SLCO5A1: variants seen among roughly 807,000 people sequenced by gnomAD.
SLCO5A1 encodes organic anion transporter polypeptide-related protein 4.
In SLCO5A1, 39 loss-of-function variants were observed where a neutral mutation model predicts 65.1. The observed-to-expected ratio is 0.60, with a 90% CI of 0.46 to 0.78. SLCO5A1 has a LOEUF of 0.78. Ranked by LOEUF, SLCO5A1 falls within the 30% of genes least tolerant of loss-of-function variation. The pLI is 0.00. For synonymous variants in SLCO5A1, 438 were observed against 415.7 expected (o/e 1.05, Z -0.65); for missense variants, 1,029 against 1,069.4 (o/e 0.96, Z 0.53).
chr8:69,703,993 G>T (rs1241573290), intron 6 of SLCO5A1, among the ~76,000 whole-genome samples: 1 of 152,158 alleles, frequency 6.6e-6, no homozygotes, highest in African/African-American at 2.4e-5. Flanking sequence ...TCGACAAGTT[G>T]GTGACATGAA....
Position 69,673,334 on chromosome 8 carries a change from G to A in SLCO5A1, c.2090-8C>T, listed in dbSNP as rs2130781889. 1.2e-6 allele frequency: 2 copies of A among 1,601,218 alleles called. No individual in the cohort carries two copies. Among genetic ancestry groups the A allele is most frequent in the Non-Finnish European group, 8.5e-7 (1 of 1,170,980 alleles). ...TTGGAGTAGGAATGTATGCTAGAGG[G>A]GTGGAGAAGAAGAAAATACGAAGAC... On this transcript the variant is annotated splice_polypyrimidine_tract_variant and splice_region_variant and intron_variant, in intron 9 of 9. Transcript: ENST00000260126.
At chr8:69,711,526 G>A (rs1815259179) in intron 5 of SLCO5A1, among the ~76,000 whole-genome samples, 1 of 152,210 alleles carries the variant, frequency 6.6e-6, no homozygotes, top group African/African-American at 2.4e-5. Context: ...GCAGAGCGTG[G>A]GAAGATGCAC....
At chr8:69,677,526 T>C (rs1813598694) in intron 8 of SLCO5A1, among the ~76,000 whole-genome samples, 1 of 152,204 alleles carries the variant, frequency 6.6e-6, no homozygotes, top group Non-Finnish European at 1.5e-5. Flanking sequence ...GAGAGTATGG[T>C]ATATAATAGG....
intron 2 of SLCO5A1, among the ~76,000 whole-genome samples, chr8:69,802,283 G>A (rs757506430): frequency 1.2e-4 from 18 of 151,888 alleles, no homozygotes; most frequent in African/African-American, 3.6e-4. Context: ...TGGGAGGATC[G>A]CTTGAGTCCA....
chr8:69,676,008 C>T (rs1012172526), intron 9 of SLCO5A1, among the ~76,000 whole-genome samples: 2 of 152,204 alleles, frequency 1.3e-5, no homozygotes, highest in African/African-American at 2.4e-5. Flanking sequence ...AAAATAAGAC[C>T]TATGTTCCAC....
At chr8:69,790,407 A>C (rs1819217565) in intron 2 of SLCO5A1, among the ~76,000 whole-genome samples, 1 of 152,130 alleles carries the variant, frequency 6.6e-6, no homozygotes, top group Non-Finnish European at 1.5e-5. Flanking sequence ...ATACTTAAAA[A>C]GTGGGAGAAA....
chr8:69,815,134 G>T (rs1820350520), intron 2 of SLCO5A1, among the ~76,000 whole-genome samples: 1 of 152,108 alleles, frequency 6.6e-6, no homozygotes, highest in Non-Finnish European at 1.5e-5. Context: ...TTTCACAATT[G>T]TTAAAAGTAA....
intron 2 of SLCO5A1, among the ~76,000 whole-genome samples, chr8:69,778,787 T>C (rs920800379): frequency 3.9e-5 from 6 of 152,174 alleles, no homozygotes; most frequent in African/African-American, 4.8e-5. Context: ...CTTATGTCTA[T>C]AGCATTTCTT....
At chr8:69,701,569 C>T (rs941652685) in intron 6 of SLCO5A1, among the ~76,000 whole-genome samples, 1 of 152,202 alleles carries the variant, frequency 6.6e-6, no homozygotes, top group African/African-American at 2.4e-5. Context: ...ACATTCCTTC[C>T]TATGGATCCC....
At chr8:69,802,309 T>C (rs1819776437) in intron 2 of SLCO5A1, among the ~76,000 whole-genome samples, 1 of 151,032 alleles carries the variant, frequency 6.6e-6, no homozygotes. Context: ...TCAAGACCAG[T>C]CTGGGCAACA....
At chr8:69,772,394 A>G (rs564154898) in intron 2 of SLCO5A1, among the ~76,000 whole-genome samples, 9 of 151,898 alleles carry the variant, frequency 5.9e-5, no homozygotes, top group African/African-American at 2.2e-4. Context: ...GTGGTGGCAC[A>G]TGCCTGTAGT....
chr8:69,737,538 A>T (rs983158915), intron 5 of SLCO5A1, among the ~76,000 whole-genome samples: 1 of 152,204 alleles, frequency 6.6e-6, no homozygotes, highest in Non-Finnish European at 1.5e-5. Context: ...GTCTCCTAAA[A>T]ATCAGTTTCC....
rs944169950 is a variant in SLCO5A1 at position 69,731,090 on chromosome 8, C to T, written c.1423+6950G>A. On this transcript the variant is annotated intron_variant, in intron 5 of 9. Coordinates refer to ENST00000260126, the MANE Select transcript of SLCO5A1 (RefSeq NM_030958.3). Reference sequence around the variant, plus strand: ...TCGGCTCACTACAACCTCTGCCTCCCAGGTTCAAGTGATTCTCATGCCTCT... The same window carrying T: ...TCGGCTCACTACAACCTCTGCCTCCTAGGTTCAAGTGATTCTCATGCCTCT... 2.0e-5 allele frequency among the ~76,000 whole-genome samples: 3 copies of T among 152,066 alleles called. No individual in the cohort carries two copies. The South Asian group carries it at 6.2e-4, about 32-fold the overall frequency.
In SLCO5A1 at chr8:69,804,504, C is replaced by A. The variant is rs538268157; in HGVS notation, c.907+27263G>T. Reference sequence around the variant, plus strand: ...CTAATTTTTATATTTTTAGTAGAGGCGGGGTTTCACCATGTTGCCCAGGCT... The same window carrying A: ...CTAATTTTTATATTTTTAGTAGAGGAGGGGTTTCACCATGTTGCCCAGGCT... On this transcript the variant is annotated intron_variant, in intron 2 of 9. Transcript: ENST00000260126. 1.6e-4 allele frequency among the ~76,000 whole-genome samples: 24 copies of A among 152,110 alleles called. No individual in the cohort carries two copies. In the South Asian group the frequency reaches 4.4e-3, roughly 28 times the overall value.
chr8:69,815,111 A>G (rs1820349042), intron 2 of SLCO5A1, among the ~76,000 whole-genome samples: 1 of 152,212 alleles, frequency 6.6e-6, no homozygotes, highest in Non-Finnish European at 1.5e-5. Flanking sequence ...TATAGTTAAT[A>G]GAGTGTGGTA....
At chr8:69,791,330 G>A (rs372502023) in intron 2 of SLCO5A1, among the ~76,000 whole-genome samples, 32 of 152,266 alleles carry the variant, frequency 2.1e-4, no homozygotes, top group African/African-American at 7.7e-4. Context: ...ACAGAGAAAC[G>A]TGAAACCTCT....
At chr8:69,683,443 A>T (rs887431691) in intron 6 of SLCO5A1, among the ~76,000 whole-genome samples, 7 of 152,132 alleles carry the variant, frequency 4.6e-5, no homozygotes, top group African/African-American at 1.7e-4. Context: ...CAGTTTTGTC[A>T]TGTGGATATA....
In SLCO5A1 at chr8:69,669,344, C is replaced by T. The variant is rs1012498285; in HGVS notation, c.*3525G>A. 2.6e-5 allele frequency: 4 copies of T among 152,022 alleles called. No individual in the cohort carries two copies. The highest frequency in any genetic ancestry group is 7.3e-5 in the African/African-American group (3 of 41,360). The allele number at this position is 152,022 out of a possible 1,614,324, so 9.4% of individuals were successfully genotyped here. A position where few individuals can be genotyped will look rare whatever the true frequency, so the allele number is the denominator to read the frequency against. Reference sequence around the variant, plus strand: ...AAAAAATTGAAATGCTTTAATCTCACGATTTTATAGTCACCTTGCCTTTGT... The same window carrying T: ...AAAAAATTGAAATGCTTTAATCTCATGATTTTATAGTCACCTTGCCTTTGT... On this transcript the variant is annotated 3_prime_UTR_variant, in exon 10 of 10. Transcript: ENST00000260126.
chr8:69,679,393 A>G lies in SLCO5A1; in HGVS notation c.2009T>C (p.Ile670Thr). The G allele has an allele frequency of 6.2e-7, 1 of 1,614,176 alleles. No individual in the cohort carries two copies. The highest frequency in any genetic ancestry group is 8.5e-7 in the Non-Finnish European group (1 of 1,180,028). ...CTGTTCTCACCTGAGTGTTACTATG[A>G]TAGCTGATGGTTGGGCACATGCTGT... ...FITACAQPSAIIVTLRSVEDE... is the reference protein window; with the variant it reads ...FITACAQPSATIVTLRSVEDE... Residue 670 changes from isoleucine (I) to threonine (T), a missense_variant, in exon 8 of 10, where the codon ATC (isoleucine) becomes ACC (threonine). This residue lies in a region of SLCO5A1 where 258 missense variants were observed against 237.4 expected (regional missense o/e 1.09). Transcript: ENST00000260126.
Sources: gnomAD v4.1 joint callset for allele counts (sites outside exome capture counted in the v4.1 genomes callset) on GRCh38, gnomAD v4.1.1 for gene constraint, gnomAD v4.1.1 regional missense constraint, MANE v1.5 for transcripts, NCBI Gene and HGNC (gene_info 2026-07-23, HGNC 2026-07-21) for gene names.